The following RBFOX1 variants were observed in gnomAD, a reference collection of about 807,000 sequenced individuals.
RBFOX1 encodes the protein RNA binding protein fox-1 homolog 1.
RBFOX1 carries 8 observed loss-of-function variants against 57.7 expected under a neutral mutation model. The ratio of observed to expected loss-of-function variants is 0.14; its 90% CI spans 0.08 to 0.25. RBFOX1 has a LOEUF of 0.25. RBFOX1 is among the 10% of genes least tolerant of loss of function. The pLI is 1.00. For missense variants in RBFOX1, 611 were observed against 548.5 expected (o/e 1.11, Z -1.14); for synonymous variants, 326 against 222.4 (o/e 1.47, Z -4.15).
intron 2 of RBFOX1, among the ~76,000 whole-genome samples, chr16:6,393,677 C>T (rs1198073367): frequency 6.6e-6 from 1 of 152,132 alleles, no homozygotes; most frequent in Non-Finnish European, 1.5e-5. Context: ...TTCTTAATAC[C>T]CCACATTATC....
intron 3 of RBFOX1, among the ~76,000 whole-genome samples, chr16:5,716,172 C>T (rs1038208158): frequency 4.6e-5 from 7 of 152,164 alleles, no homozygotes; most frequent in African/African-American, 7.2e-5. Context: ...GTAGTAGTAT[C>T]GGGCTCTTTT....
Position 5,979,423 on chromosome 16 carries a change from C to T in RBFOX1, c.351+112088C>T, listed in dbSNP as rs116442245. Among the ~76,000 whole-genome samples, 468 of 152,324 alleles carry T rather than the reference C, an allele frequency of 3.1e-3. 2 individuals carry two copies. The highest frequency in any genetic ancestry group is 0.01 in the African/African-American group (418 of 41,564). ...TTTTTATCTCAAGAGAGGAAACATT[C>T]ATTCAATGTGATTAGTGACTGTTGA... is the stretch of plus-strand genomic sequence containing the variant. On this transcript the variant is annotated intron_variant, in intron 4 of 19. Coordinates refer to the RBFOX1 transcript ENST00000641259.
intron 4 of RBFOX1, among the ~76,000 whole-genome samples, chr16:7,201,513 G>T (rs2088468550): frequency 6.6e-6 from 1 of 151,186 alleles, no homozygotes; most frequent in African/African-American, 2.4e-5. Flanking sequence ...CCAGGCTGGA[G>T]TGCAATGGCA....
chr16:5,486,178 C>G (rs1262460962), intron 2 of RBFOX1, among the ~76,000 whole-genome samples: 3 of 152,150 alleles, frequency 2.0e-5, no homozygotes, highest in Non-Finnish European at 1.5e-5. Context: ...GTTGCCTCCC[C>G]TAGGAAGTCC....
chr16:6,578,598 C>CGTGT, intron 2 of RBFOX1, among the ~76,000 whole-genome samples: 1 of 110,746 alleles, frequency 9.0e-6, no homozygotes, highest in African/African-American at 2.9e-5. Flanking sequence ...GGTGTGTGTG[C>CGTGT]GTGTGTGTGT....
intron 3 of RBFOX1, among the ~76,000 whole-genome samples, chr16:6,962,494 G>C (rs1272301435): frequency 6.6e-6 from 1 of 152,170 alleles, no homozygotes; most frequent in Non-Finnish European, 1.5e-5. Context: ...GCCGCAGTGT[G>C]TCCCTGGCAT....
At chr16:7,187,641 A>C in intron 4 of RBFOX1, among the ~76,000 whole-genome samples, 1 of 125,970 alleles carries the variant, frequency 7.9e-6, no homozygotes, top group African/African-American at 3.0e-5. Context: ...GTGAGCCGAG[A>C]TCGTGCCACT....
intron 2 of RBFOX1, among the ~76,000 whole-genome samples, chr16:6,645,450 G>A (rs79824979): frequency 0.12 from 18,461 of 152,108 alleles, 1,417 homozygotes; most frequent in Middle Eastern, 0.19. Context: ...TTCAGAGCTG[G>A]GAATGCTGCT....
intron 3 of RBFOX1, among the ~76,000 whole-genome samples, chr16:6,682,698 C>A (rs554310426): frequency 4.6e-5 from 7 of 151,816 alleles, no homozygotes; most frequent in Non-Finnish European, 2.9e-5. Context: ...CCCCGGCGCG[C>A]AAAATTGCCC....
intron 4 of RBFOX1, among the ~76,000 whole-genome samples, chr16:5,995,595 G>A (rs1162565418): frequency 6.6e-6 from 1 of 152,206 alleles, no homozygotes; most frequent in East Asian, 1.9e-4. Flanking sequence ...CTTAGCTGTA[G>A]AATTCAATTT....
At chr16:5,398,084 A>G (rs2066611591) in intron 1 of RBFOX1, among the ~76,000 whole-genome samples, 1 of 152,202 alleles carries the variant, frequency 6.6e-6, no homozygotes, top group South Asian at 2.1e-4. Context: ...AGAGGTTATA[A>G]CTGAGATTCA....
chr16:5,333,479 A>G (rs2064813775), intron 1 of RBFOX1, among the ~76,000 whole-genome samples: 1 of 152,102 alleles, frequency 6.6e-6, no homozygotes, highest in South Asian at 2.1e-4. Flanking sequence ...CCGATTATAT[A>G]CACAATGAAA....
intron 1 of RBFOX1, among the ~76,000 whole-genome samples, chr16:6,236,498 C>T (rs1304112733): frequency 4.6e-5 from 7 of 151,850 alleles, no homozygotes; most frequent in Non-Finnish European, 7.4e-5. Flanking sequence ...GCAGCAGCGC[C>T]ATCTCGGCTC....
At chr16:5,785,307 T>C (rs1365323016) in intron 3 of RBFOX1, among the ~76,000 whole-genome samples, 2 of 152,160 alleles carry the variant, frequency 1.3e-5, no homozygotes, top group African/African-American at 2.4e-5. Context: ...AAGAGCTTGG[T>C]AGAGACAAAA....
chr16:7,705,830 C>A (rs2082258352), intron 14 of RBFOX1, among the ~76,000 whole-genome samples: 1 of 152,100 alleles, frequency 6.6e-6, no homozygotes, highest in African/African-American at 2.4e-5. Flanking sequence ...TCATCATGTG[C>A]ATGGAGTAAA....
At chr16:5,894,293 T>C (rs1357988664) in intron 4 of RBFOX1, among the ~76,000 whole-genome samples, 1 of 152,232 alleles carries the variant, frequency 6.6e-6, no homozygotes, top group Non-Finnish European at 1.5e-5. Flanking sequence ...AAAACTTTTT[T>C]TTTGTATGAG....
chr16:6,205,230 C>T (rs550855271), intron 1 of RBFOX1, among the ~76,000 whole-genome samples: 25 of 152,178 alleles, frequency 1.6e-4, no homozygotes, highest in Non-Finnish European at 2.6e-4. Context: ...TAGCTAGTTC[C>T]GAAGAGTCCT....
intron 1 of RBFOX1, among the ~76,000 whole-genome samples, chr16:5,455,435 G>A (rs1222585735): frequency 6.6e-6 from 1 of 152,084 alleles, no homozygotes; most frequent in East Asian, 1.9e-4. Flanking sequence ...TTCAAAGGAA[G>A]GTATATCACT....
chr16:5,321,309 T>A (rs1392549963), intron 1 of RBFOX1, among the ~76,000 whole-genome samples: 1 of 141,930 alleles, frequency 7.0e-6, no homozygotes, highest in African/African-American at 2.5e-5. Flanking sequence ...AAACATGAGA[T>A]ATAAGAGATA....
Sources: allele counts gnomAD v4.1 joint callset (sites outside exome capture counted in the v4.1 genomes callset), GRCh38; gene constraint gnomAD v4.1.1; transcripts MANE v1.5; gene names NCBI Gene and HGNC (gene_info 2026-07-23, HGNC 2026-07-21).